The following MYO1E variants were observed in gnomAD, a reference collection of about 807,000 sequenced individuals.
MYO1E encodes the protein myosin IE.
In MYO1E, 68 loss-of-function variants were observed where a neutral mutation model predicts 151.1. That is an observed-to-expected ratio of 0.45 (90% confidence interval 0.37 to 0.55). MYO1E has a LOEUF of 0.55. Ranked by LOEUF, MYO1E falls within the 20% of genes least tolerant of loss-of-function variation. MYO1E has a pLI of 0.00. For synonymous variants in MYO1E, 601 were observed against 501.7 expected (o/e 1.20, Z -2.64); for missense variants, 1,363 against 1,389.3 (o/e 0.98, Z 0.30).
At chr15:59,369,889 GCA>G (rs1191258177) in intron 1 of MYO1E, among the ~76,000 whole-genome samples, 4 of 151,700 alleles carry the variant, frequency 2.6e-5, no homozygotes, top group African/African-American at 7.3e-5. Flanking sequence ...AAAGACACAC[GCA>G]CACACACACA....
intron 1 of MYO1E, among the ~76,000 whole-genome samples, chr15:59,275,950 C>T (rs961690560): frequency 1.3e-5 from 2 of 152,146 alleles, no homozygotes; most frequent in Non-Finnish European, 2.9e-5. Context: ...TGCACACAGC[C>T]GCTGAATGCC....
At chr15:59,371,812 G>C (rs1180252025) in intron 1 of MYO1E, among the ~76,000 whole-genome samples, 2 of 151,718 alleles carry the variant, frequency 1.3e-5, no homozygotes, top group Admixed American at 1.3e-4. Context: ...GCCGGCGCCC[G>C]GCACAGGTCC....
Position 59,268,720 on chromosome 15 carries a change from A to ATTTTTTTTTTTTTTTTTTTTTTTTTTTTT in MYO1E, c.147+3585_147+3586insAAAAAAAAAAAAAAAAAAAAAAAAAAAAA, listed in dbSNP as rs398027512. 6.1e-3 allele frequency among the ~76,000 whole-genome samples: 272 copies of ATTTTTTTTTTTTTTTTTTTTTTTTTTTTT among 44,910 alleles called. 102 individuals are homozygous for ATTTTTTTTTTTTTTTTTTTTTTTTTTTTT. The highest frequency in any genetic ancestry group is 0.037 in the Middle Eastern group (2 of 54). 29.5% of individuals were successfully genotyped at this position (44,910 alleles called of 152,430 possible). A position where few individuals can be genotyped will look rare whatever the true frequency, so the allele number is the denominator to read the frequency against. On this transcript the variant is annotated intron_variant, in intron 2 of 27. Transcript: ENST00000288235. Reference sequence around the variant, plus strand: ...GTGATGGGTTCTGGGTGACTTTGGTATTTTTTTTTTTTTTTTTTTTTGCTT... The same window carrying ATTTTTTTTTTTTTTTTTTTTTTTTTTTTT: ...GTGATGGGTTCTGGGTGACTTTGGTATTTTTTTTTTTTTTTTTTTTTTTTTTTTTTTTTTTTTTTTTTTTTTTTTTGCTT...
intron 4 of MYO1E, among the ~76,000 whole-genome samples, chr15:59,248,921 C>T (rs1479994515): frequency 7.9e-5 from 12 of 152,158 alleles, no homozygotes; most frequent in Admixed American, 5.9e-4. Flanking sequence ...GGCACATAAT[C>T]GGCTGTCCAC....
At position 59,174,100 on chromosome 15, in the gene MYO1E, T is replaced by A. The variant is rs184625879; in HGVS notation, c.2164+26A>T. 1.6e-4 allele frequency: 256 copies of A among 1,588,418 alleles called. 2 individuals are homozygous for A. The East Asian group carries it at 5.4e-3, about 33-fold the overall frequency. ...AATTTACTCTTCAGATTTATTAAAA[T>A]CAATGAAACAAAATTGCTAAAATAC... On this transcript the variant is annotated intron_variant, in intron 20 of 27. Coordinates refer to ENST00000288235, the MANE Select transcript of MYO1E (RefSeq NM_004998.4).
At chr15:59,234,267 TGGATGGATGGATGCAC>T (rs2080048455) in intron 5 of MYO1E, among the ~76,000 whole-genome samples, 1 of 147,690 alleles carries the variant, frequency 6.8e-6, no homozygotes, top group Non-Finnish European at 1.5e-5. Context: ...GATGGGTGCA[TGGATGGATGGATGCAC>T]GGATGGATGG....
At chr15:59,344,665 C>T (rs1215118280) in intron 1 of MYO1E, among the ~76,000 whole-genome samples, 1 of 152,168 alleles carries the variant, frequency 6.6e-6, no homozygotes, top group East Asian at 1.9e-4. Flanking sequence ...TGTTAGAAAT[C>T]TACTGAGTAC....
chr15:59,326,242 G>A (rs1430566377), intron 1 of MYO1E, among the ~76,000 whole-genome samples: 2 of 152,044 alleles, frequency 1.3e-5, no homozygotes, highest in African/African-American at 4.8e-5. Context: ...TGGGTGGGAC[G>A]GGCATGGTGG....
intron 1 of MYO1E, among the ~76,000 whole-genome samples, chr15:59,349,396 G>T (rs981507705): frequency 6.6e-6 from 1 of 152,084 alleles, no homozygotes; most frequent in Non-Finnish European, 1.5e-5. Context: ...GCAGAAAAGG[G>T]TGTCTTTCCT....
chr15:59,311,751 A>G (rs2080553719), intron 1 of MYO1E, among the ~76,000 whole-genome samples: 1 of 152,168 alleles, frequency 6.6e-6, no homozygotes, highest in Non-Finnish European at 1.5e-5. Flanking sequence ...AAAAGGGGGA[A>G]CCTTTAAGAA....
At chr15:59,246,462 C>A (rs2080130604) in intron 4 of MYO1E, among the ~76,000 whole-genome samples, 1 of 152,200 alleles carries the variant, frequency 6.6e-6, no homozygotes, top group South Asian at 2.1e-4. Flanking sequence ...TCTGTTGGCA[C>A]TGCCCAGAGT....
chr15:59,137,165 C>T lies in MYO1E; in HGVS notation c.*215G>A, dbSNP rs1239830591. ...ATGGTGGTTTTGTCCTCCTGGGTTC[C>T]TATGAAGAGGCTACCTTTTAGGATC... On this transcript the variant is annotated 3_prime_UTR_variant, in exon 28 of 28. Coordinates refer to ENST00000288235, the MANE Select transcript of MYO1E (RefSeq NM_004998.4). 1 of 587,170 alleles carries T rather than the reference C, an allele frequency of 1.7e-6. No individual in the cohort carries two copies. The highest frequency in any genetic ancestry group is 2.9e-5 in the East Asian group (1 of 34,978). 36.4% of individuals were successfully genotyped at this position (587,170 alleles called of 1,614,324 possible).
intron 18 of MYO1E, among the ~76,000 whole-genome samples, chr15:59,185,266 C>T (rs1031463866): frequency 6.6e-6 from 1 of 151,904 alleles, no homozygotes. Context: ...GTTTCCTTTG[C>T]TGTGTGGAAT....
chr15:59,206,770 C>T (rs75979895), intron 14 of MYO1E: 32,148 of 623,984 alleles, frequency 0.052, 1,061 homozygotes, highest in African/African-American at 0.11. Flanking sequence ...ACGGAAAGCA[C>T]GTGTCGGAGA....
chr15:59,190,203 G>A (rs1160051588), intron 17 of MYO1E, among the ~76,000 whole-genome samples: 1 of 152,156 alleles, frequency 6.6e-6, no homozygotes, highest in Non-Finnish European at 1.5e-5. Flanking sequence ...GGTATTTGAG[G>A]CAAATTAGAC....
intron 1 of MYO1E, among the ~76,000 whole-genome samples, chr15:59,330,884 T>C (rs1448892295): frequency 6.6e-6 from 1 of 152,172 alleles, no homozygotes; most frequent in Non-Finnish European, 1.5e-5. Flanking sequence ...TCCTCCTGCC[T>C]CAGCCCCTGC....
At chr15:59,151,254 C>A (rs1219418733) in intron 26 of MYO1E, among the ~76,000 whole-genome samples, 1 of 150,712 alleles carries the variant, frequency 6.6e-6, no homozygotes, top group Non-Finnish European at 1.5e-5. Context: ...GGTGAAACCC[C>A]ATCTCTACAA....
chr15:59,175,659 G>C (rs2079620338), intron 19 of MYO1E, among the ~76,000 whole-genome samples: 1 of 152,234 alleles, frequency 6.6e-6, no homozygotes, highest in Non-Finnish European at 1.5e-5. Flanking sequence ...GCAGTTGCCT[G>C]TTGTAAGAAT....
In MYO1E at chr15:59,173,729, A is replaced by C. The variant is rs752289510; in HGVS notation, c.2334+17T>G. On this transcript the variant is annotated intron_variant, in intron 21 of 27. Transcript: ENST00000288235. The stretch of plus-strand genomic sequence containing the variant: ...GAATCTGTTTGGTGATCTCAGAGGC[A>C]GGCAGTTAGCACGTACCTTGAACCT... 6.2e-7 allele frequency: 1 copy of C among 1,613,840 alleles called. No individual in the cohort carries two copies. The highest frequency in any genetic ancestry group is 1.1e-5 in the South Asian group (1 of 91,070).
Sources: gnomAD v4.1 joint callset for allele counts (sites outside exome capture counted in the v4.1 genomes callset) on GRCh38, gnomAD v4.1.1 for gene constraint, MANE v1.5 for transcripts, NCBI Gene and HGNC (gene_info 2026-07-23, HGNC 2026-07-21) for gene names.